ATG10: variants seen among roughly 807,000 people sequenced by gnomAD.
ATG10 encodes ubiquitin-like-conjugating enzyme ATG10.
In ATG10, 30 loss-of-function variants were observed where a neutral mutation model predicts 32.1. That is an observed-to-expected ratio of 0.94 (90% CI 0.70 to 1.27). The LOEUF (loss-of-function observed/expected upper bound fraction) is 1.27, where lower values mean the gene tolerates loss of function less well. ATG10 is among the 50% of genes most tolerant of loss of function. The pLI is 0.00. For missense variants in ATG10, 233 were observed against 262.3 expected, an observed-to-expected ratio of 0.89 and a Z score of 0.77; for synonymous variants, 87 against 91.5, an observed-to-expected ratio of 0.95 and a Z score of 0.28.
At chr5:82,162,279 G>A (rs1743384320) in intron 3 of ATG10, among the ~76,000 whole-genome samples, 1 of 151,944 alleles carries the variant, frequency 6.6e-6, no homozygotes, top group Non-Finnish European at 1.5e-5. Context: ...TAAACATATT[G>A]GTAAAGCTGC....
chr5:82,105,337 T>G (rs1561300787), intron 3 of ATG10, among the ~76,000 whole-genome samples: 1 of 152,108 alleles, frequency 6.6e-6, no homozygotes. Flanking sequence ...TCTTTTTAGA[T>G]ATTGTCTGCC....
rs148423898 is a variant in ATG10 at position 82,049,990 on chromosome 5, ATAAAG to A, written c.109-8499_109-8495del. The stretch of plus-strand genomic sequence containing the variant: ...AAAATGTTTAATAATACATAGAGAT[ATAAAG>A]TAAAGATGAAAATCTTTCCCTCCTT... On this transcript the variant is annotated intron_variant, in intron 2 of 7. Transcript: ENST00000282185. 7.4e-3 allele frequency among the ~76,000 whole-genome samples: 1,122 copies of A among 152,256 alleles called. 12 individuals are homozygous for A. Among genetic ancestry groups the A allele is most frequent in the African/African-American group, 0.025 (1,057 of 41,570 alleles).
Position 82,255,260 on chromosome 5 carries a change from C to T in ATG10, c.*1197C>T, listed in dbSNP as rs1448463210. ...TGAGAACCACATGAGATCATTAATG[C>T]ATGATAAGATATTGTAAAGTATTAT... On this transcript the variant is annotated 3_prime_UTR_variant, in exon 8 of 8. Coordinates refer to ENST00000282185, the MANE Select transcript of ATG10 (RefSeq NM_031482.5). 2 of 152,084 alleles carry T rather than the reference C, an allele frequency of 1.3e-5. No individual in the cohort carries two copies. Among genetic ancestry groups the T allele is most frequent in the Non-Finnish European group, 2.9e-5 (2 of 68,024 alleles). 9.4% of individuals were successfully genotyped at this position (152,084 alleles called of 1,614,324 possible).
At chr5:81,995,193 C>T (rs942740736) in intron 2 of ATG10, among the ~76,000 whole-genome samples, 11 of 152,106 alleles carry the variant, frequency 7.2e-5, no homozygotes, top group Non-Finnish European at 1.0e-4. Context: ...TACAGTGGCA[C>T]GATCTCGACT....
At position 82,254,077 on chromosome 5, in the gene ATG10, T is replaced by C. The variant is rs751482413; in HGVS notation, c.*14T>C. 2.0e-5 allele frequency: 3 copies of C among 152,282 alleles called. No individual in the cohort carries two copies. Among genetic ancestry groups the C allele is most frequent in the Non-Finnish European group, 4.4e-5 (3 of 68,118 alleles). 9.4% of individuals were successfully genotyped at this position (152,282 alleles called of 1,614,324 possible). ...GTTTTATGTTCTTCAGATTCTTCTA[T>C]TGAGTTTAGGAATTGCGGCACGAAG... On this transcript the variant is annotated 3_prime_UTR_variant, in exon 8 of 8. Coordinates refer to ENST00000282185, the MANE Select transcript of ATG10 (RefSeq NM_031482.5).
At chr5:82,207,264 A>T (rs1745336073) in intron 5 of ATG10, among the ~76,000 whole-genome samples, 1 of 152,222 alleles carries the variant, frequency 6.6e-6, no homozygotes, top group African/African-American at 2.4e-5. Flanking sequence ...TTCTATCAAT[A>T]TATAAATTCC....
intron 3 of ATG10, among the ~76,000 whole-genome samples, chr5:82,100,723 A>G (rs1489472689): frequency 1.3e-5 from 2 of 151,860 alleles, no homozygotes; most frequent in Admixed American, 1.3e-4. Context: ...CAAGGCAGGG[A>G]AAGTCTGGTG....
chr5:82,123,500 G>A (rs1487970870), intron 3 of ATG10, among the ~76,000 whole-genome samples: 1 of 150,016 alleles, frequency 6.7e-6, no homozygotes, highest in Non-Finnish European at 1.5e-5. Flanking sequence ...AACTTCACAT[G>A]TATCCCTAAA....
intron 3 of ATG10, among the ~76,000 whole-genome samples, chr5:82,104,086 A>G (rs1281559945): frequency 6.6e-6 from 1 of 152,110 alleles, no homozygotes; most frequent in African/African-American, 2.4e-5. Flanking sequence ...TATACATTCT[A>G]CAAAATGATA....
Position 82,124,402 on chromosome 5 carries a change from A to G in ATG10, c.217-39997A>G, listed in dbSNP as rs1002410391. Reference sequence around the variant, plus strand: ...GCCATGGTGGTTTGCTCCACCCATCAACCCATCATCTACATTAGGTATTTC... The same window carrying G: ...GCCATGGTGGTTTGCTCCACCCATCGACCCATCATCTACATTAGGTATTTC... On this transcript the variant is annotated intron_variant, in intron 3 of 7. Coordinates refer to ENST00000282185, the MANE Select transcript of ATG10 (RefSeq NM_031482.5). Among the ~76,000 whole-genome samples, 4 of 151,508 alleles carry G rather than the reference A, an allele frequency of 2.6e-5. No homozygotes were observed. In the East Asian group the frequency reaches 7.8e-4, roughly 29 times the overall value.
At chr5:82,082,882 C>T (rs1459495229) in intron 3 of ATG10, among the ~76,000 whole-genome samples, 1 of 152,070 alleles carries the variant, frequency 6.6e-6, no homozygotes, top group Non-Finnish European at 1.5e-5. Flanking sequence ...GGGAAGGTTC[C>T]AACATGGCCG....
intron 3 of ATG10, among the ~76,000 whole-genome samples, chr5:82,131,461 G>T (rs1766518104): frequency 6.6e-6 from 1 of 152,086 alleles, no homozygotes; most frequent in Non-Finnish European, 1.5e-5. Context: ...TCTTCTTCAA[G>T]TTTCTCTTTT....
At chr5:82,052,251 C>T (rs1763452942) in intron 2 of ATG10, among the ~76,000 whole-genome samples, 1 of 152,138 alleles carries the variant, frequency 6.6e-6, no homozygotes, top group Non-Finnish European at 1.5e-5. Flanking sequence ...AACTCAGCAA[C>T]AAAAGCCCTA....
At chr5:82,122,529 C>G (rs1766084815) in intron 3 of ATG10, among the ~76,000 whole-genome samples, 1 of 152,198 alleles carries the variant, frequency 6.6e-6, no homozygotes. Context: ...AACTTAAGAG[C>G]TTCTGCACAG....
chr5:82,095,496 C>A (rs147335199), intron 3 of ATG10, among the ~76,000 whole-genome samples: 7 of 152,180 alleles, frequency 4.6e-5, no homozygotes, highest in East Asian at 3.9e-4. Flanking sequence ...TATCATGGTG[C>A]AATTAGCAAA....
Position 82,235,556 on chromosome 5 carries a change from G to A in ATG10, c.454-17006G>A, listed in dbSNP as rs1400721981. ...ATTGACATGGAGAAAAATGATTGTG[G>A]TCCTCTATTCTCCATTATCCACCAC... On this transcript the variant is annotated intron_variant, in intron 5 of 7. Coordinates refer to ENST00000282185, the MANE Select transcript of ATG10 (RefSeq NM_031482.5). Among the ~76,000 whole-genome samples the A allele has an allele frequency of 1.3e-5, 2 of 152,118 alleles. 1 individual carries two copies. Among genetic ancestry groups the A allele is most frequent in the African/African-American group, 4.8e-5 (2 of 41,398 alleles).
intron 5 of ATG10, among the ~76,000 whole-genome samples, chr5:82,204,325 G>T (rs1408647621): frequency 6.6e-6 from 1 of 152,192 alleles, no homozygotes; most frequent in Non-Finnish European, 1.5e-5. Flanking sequence ...AAGCAGACAT[G>T]AGTGATATTC....
intron 5 of ATG10, among the ~76,000 whole-genome samples, chr5:82,225,758 G>A (rs555640027): frequency 3.3e-5 from 5 of 152,130 alleles, no homozygotes; most frequent in Non-Finnish European, 7.4e-5. Flanking sequence ...CTCTCTGGCG[G>A]TCTCTGGTGG....
intron 3 of ATG10, among the ~76,000 whole-genome samples, chr5:82,156,415 T>G (rs1767800802): frequency 6.6e-6 from 1 of 152,176 alleles, no homozygotes; most frequent in Admixed American, 6.5e-5. Context: ...AGGCCAGGAA[T>G]ACGTCTGTTT....
Sources: allele counts gnomAD v4.1 joint callset (sites outside exome capture counted in the v4.1 genomes callset), GRCh38; gene constraint gnomAD v4.1.1; transcripts MANE v1.5; gene names NCBI Gene and HGNC (gene_info 2026-07-23, HGNC 2026-07-21).